Variants in CCDC171 observed in about 807,000 individuals in gnomAD.
CCDC171 encodes the protein coiled-coil domain containing 171.
In CCDC171, 177 loss-of-function variants were observed where a neutral mutation model predicts 168.2. The observed-to-expected ratio is 1.05, with a 90% CI of 0.93 to 1.19. The LOEUF is 1.19. Ranked by LOEUF, CCDC171 falls within the 50% of genes most tolerant of loss-of-function variation. CCDC171 has a pLI of 0.00. For missense variants in CCDC171, 1,991 were observed against 1,539.0 expected, an observed-to-expected ratio of 1.29 and a Z score of -4.91; for synonymous variants, 687 against 540.8, an observed-to-expected ratio of 1.27 and a Z score of -3.75.
At chr9:15,950,500 A>G (rs1421709986) in intron 25 of CCDC171, among the ~76,000 whole-genome samples, 1 of 152,178 alleles carries the variant, frequency 6.6e-6, no homozygotes, top group Admixed American at 6.6e-5. Flanking sequence ...TTTTCAACCC[A>G]GAATTTCATA....
chr9:15,673,193 A>G (rs2133291153), intron 9 of CCDC171, among the ~76,000 whole-genome samples: 1 of 152,346 alleles, frequency 6.6e-6, no homozygotes, highest in South Asian at 2.1e-4. Context: ...ATTTTTGCAC[A>G]TTAATTTTGT....
At chr9:16,067,342 A>T in the CCDC171 span, among the ~76,000 whole-genome samples, 1 of 151,794 alleles carries the variant, frequency 6.6e-6, no homozygotes, top group Non-Finnish European at 1.5e-5. Context: ...GTTTGAGTTC[A>T]TTGTAGATTC....
intron 1 of CCDC171, among the ~76,000 whole-genome samples, chr9:16,045,650 T>TCCACTGCATTCTCTTCTAGAG: frequency 6.6e-6 from 1 of 152,268 alleles, no homozygotes; most frequent in Non-Finnish European, 1.5e-5. Context: ...CCCTGGAGTG[T>TCCACTGCATTCTCTTCTAGAG]CCACTGCATT....
chr9:15,667,208 C>G (rs138441090), intron 9 of CCDC171, among the ~76,000 whole-genome samples: 1 of 152,080 alleles, frequency 6.6e-6, no homozygotes, highest in South Asian at 2.1e-4. Flanking sequence ...CATTTCCCCC[C>G]CCAGAGGGTG....
intron 2 of CCDC171, among the ~76,000 whole-genome samples, chr9:15,567,744 C>G (rs1276426803): frequency 6.6e-6 from 1 of 151,864 alleles, no homozygotes; most frequent in African/African-American, 2.4e-5. Flanking sequence ...GGCCTCAACT[C>G]CTGAGCTCAA....
At chr9:15,758,320 C>T (rs1345694873) in intron 18 of CCDC171, among the ~76,000 whole-genome samples, 2 of 152,196 alleles carry the variant, frequency 1.3e-5, no homozygotes, top group Non-Finnish European at 2.9e-5. Flanking sequence ...GGAGCTTTAA[C>T]GTTTCACTGC....
intron 21 of CCDC171, among the ~76,000 whole-genome samples, chr9:15,832,813 C>T (rs937824797): frequency 3.9e-5 from 6 of 152,036 alleles, no homozygotes; most frequent in Non-Finnish European, 8.8e-5. Context: ...AAAATATTTT[C>T]TTTATATTCT....
At position 15,874,683 on chromosome 9, in the gene CCDC171, T is replaced by G; in HGVS notation, c.3600+20T>G. The G allele has an allele frequency of 2.0e-6, 3 of 1,536,122 alleles. No homozygotes were observed. The highest frequency in any genetic ancestry group is 2.6e-6 in the Non-Finnish European group (3 of 1,140,990). On this transcript the variant is annotated intron_variant, in intron 24 of 25. Transcript: ENST00000380701. ...TGCCAGGTTAGAGTCTAAATAACAT[T>G]GTTTGCTACTGAGACATATAGAAAA...
chr9:15,906,325 A>G (rs1246139848), intron 24 of CCDC171, among the ~76,000 whole-genome samples: 1 of 152,204 alleles, frequency 6.6e-6, no homozygotes, highest in African/African-American at 2.4e-5. Context: ...CTTATCCACC[A>G]TGATCAAGTG....
chr9:15,602,634 TTTTTTTTTTTTTC>T lies in CCDC171; in HGVS notation c.675+8475_675+8487del, dbSNP rs1160837956. Among the ~76,000 whole-genome samples the T allele has an allele frequency of 4.3e-3, 152 of 35,364 alleles. 1 individual carries two copies. Among genetic ancestry groups the T allele is most frequent in the African/African-American group, 0.015 (147 of 9,548 alleles). 23.2% of individuals were successfully genotyped at this position (35,364 alleles called of 152,430 possible). On this transcript the variant is annotated intron_variant, in intron 6 of 25. Coordinates refer to ENST00000380701, the MANE Select transcript of CCDC171 (RefSeq NM_173550.4). ...TTTTAAGATAGTGTTTCTCATTTCTTTTTTTTTTTTTTCTTTTTTTTTTTTTTTTTTTTTTTTT... is the reference window on the plus strand; with the variant it reads ...TTTTAAGATAGTGTTTCTCATTTCTTTTTTTTTTTTTTTTTTTTTTTTTTT...
the CCDC171 span, among the ~76,000 whole-genome samples, chr9:16,079,114 T>C: frequency 1.3e-4 from 20 of 152,332 alleles, no homozygotes; most frequent in South Asian, 2.5e-3. Flanking sequence ...CTAAATTGAA[T>C]GGTGGGAGTC....
intron 7 of CCDC171, among the ~76,000 whole-genome samples, chr9:15,648,394 C>T (rs1378090558): frequency 2.6e-5 from 4 of 152,062 alleles, no homozygotes; most frequent in Non-Finnish European, 4.4e-5. Flanking sequence ...GAAGTTCTGG[C>T]CAGGGCAATC....
At chr9:15,941,258 G>C (rs576465207) in intron 25 of CCDC171, among the ~76,000 whole-genome samples, 48 of 152,020 alleles carry the variant, frequency 3.2e-4, no homozygotes, top group African/African-American at 1.1e-3. Context: ...TGAATATTTG[G>C]CAGTCAGGAA....
chr9:15,868,487 G>A (rs183868538), intron 23 of CCDC171, among the ~76,000 whole-genome samples: 4 of 78,078 alleles, frequency 5.1e-5, no homozygotes, highest in East Asian at 1.1e-3. Flanking sequence ...GTGTGTACAC[G>A]TGTGTGTGTG....
intron 12 of CCDC171, 140 bp from the exon 13 acceptor site, chr9:15,723,541 A>T (rs1311796419): frequency 1.6e-6 from 1 of 627,628 alleles, no homozygotes; most frequent in South Asian, 1.9e-5. Context: ...AAAGACTCTT[A>T]ATTACTATTG....
chr9:15,897,106 T>G (rs1821008864), intron 24 of CCDC171, among the ~76,000 whole-genome samples: 1 of 152,060 alleles, frequency 6.6e-6, no homozygotes, highest in African/African-American at 2.4e-5. Flanking sequence ...AATTAGAATT[T>G]ATGAGTTAGA....
intron 3 of CCDC171, among the ~76,000 whole-genome samples, chr9:16,004,715 G>C (rs1308878394): frequency 6.6e-6 from 1 of 152,180 alleles, no homozygotes; most frequent in Admixed American, 6.5e-5. Context: ...CGAGACCTCT[G>C]ATGTAGAATA....
intron 20 of CCDC171, among the ~76,000 whole-genome samples, chr9:15,783,284 A>G (rs76758110): frequency 0.064 from 9,769 of 152,284 alleles, 515 homozygotes; most frequent in South Asian, 0.24. Context: ...AACTGTGACT[A>G]TGCACATTTC....
At chr9:15,929,481 G>T in intron 25 of CCDC171, among the ~76,000 whole-genome samples, 1 of 151,640 alleles carries the variant, frequency 6.6e-6, no homozygotes, top group East Asian at 1.9e-4. Flanking sequence ...TCCTTTGCCT[G>T]CATTGCTTGT....
Sources: allele counts gnomAD v4.1 joint callset (sites outside exome capture counted in the v4.1 genomes callset), GRCh38; gene constraint gnomAD v4.1.1; transcripts MANE v1.5; gene names NCBI Gene and HGNC (gene_info 2026-07-23, HGNC 2026-07-21).